The following PCSK2 variants were observed in gnomAD, a reference collection of about 807,000 sequenced individuals.
PCSK2 encodes proprotein convertase subtilisin/kexin type 2.
Under a neutral mutation model 69.7 loss-of-function variants are expected in PCSK2, and 14 were observed. That is an observed-to-expected ratio of 0.20 (90% CI 0.13 to 0.31). The LOEUF is 0.31. PCSK2 is among the 10% of genes least tolerant of loss of function. The pLI is 1.00. For synonymous variants in PCSK2, 307 were observed against 320.7 expected, an observed-to-expected ratio of 0.96 and a Z score of 0.46; for missense variants, 544 against 842.5, an observed-to-expected ratio of 0.65 and a Z score of 4.39.
In PCSK2 at chr20:17,454,891, C is replaced by T. The variant is rs1529384; in HGVS notation, c.1101+934C>T. On this transcript the variant is annotated intron_variant, in intron 9 of 11. Transcript: ENST00000262545. ...CAAGATGGCCATGCCCCTGCGTGAG[C>T]GAGGAGAAGCCCTTTACCTGGAAGG... Among the ~76,000 whole-genome samples the T allele has an allele frequency of 0.02, 2,975 of 152,248 alleles. 227 individuals carry two copies. The East Asian group carries it at 0.2, about 10-fold the overall frequency.
chr20:17,468,059 TAA>T (rs879355416), intron 11 of PCSK2, among the ~76,000 whole-genome samples: 65,418 of 151,122 alleles, frequency 0.43, 14,147 homozygotes, highest in South Asian at 0.6. Flanking sequence ...CTACCATAGG[TAA>T]GCATCCTCCC....
intron 6 of PCSK2, among the ~76,000 whole-genome samples, chr20:17,413,666 T>C (rs1190773001): frequency 6.6e-6 from 1 of 152,176 alleles, no homozygotes; most frequent in African/African-American, 2.4e-5. Context: ...TGAACTCAGC[T>C]CTGGACCAAG....
At chr20:17,407,350 T>G (rs2031775615) in intron 5 of PCSK2, among the ~76,000 whole-genome samples, 1 of 152,104 alleles carries the variant, frequency 6.6e-6, no homozygotes, top group Non-Finnish European at 1.5e-5. Flanking sequence ...GAATTTTAAT[T>G]TTTTCTAAAG....
chr20:17,243,431 C>T (rs551554746), intron 1 of PCSK2, among the ~76,000 whole-genome samples: 1 of 151,728 alleles, frequency 6.6e-6, no homozygotes, highest in East Asian at 1.9e-4. Flanking sequence ...AACTCCTGGG[C>T]TCAAATGATC....
intron 2 of PCSK2, among the ~76,000 whole-genome samples, chr20:17,282,542 T>C (rs951189320): frequency 2.6e-5 from 4 of 152,190 alleles, no homozygotes; most frequent in African/African-American, 9.6e-5. Flanking sequence ...ACGTCAATTA[T>C]AGATAAGTTC....
At chr20:17,457,092 A>C (rs1221031508) in intron 10 of PCSK2, among the ~76,000 whole-genome samples, 1 of 152,176 alleles carries the variant, frequency 6.6e-6, no homozygotes. Flanking sequence ...GTAGCAGTGG[A>C]GGTACCTGCC....
chr20:17,354,936 A>G lies in PCSK2; in HGVS notation c.283-3391A>G, dbSNP rs544762336. 2.7e-4 allele frequency among the ~76,000 whole-genome samples: 41 copies of G among 152,306 alleles called. No individual in the cohort carries two copies. The South Asian group carries it at 7.2e-3, about 27-fold the overall frequency. On this transcript the variant is annotated intron_variant, in intron 2 of 11. Transcript: ENST00000262545. Reference sequence around the variant, plus strand: ...GTTTTCCAGTTATTTGTGTGTAACAAGTGAAAGCATATATTGTTAAAGGTG... The same window carrying G: ...GTTTTCCAGTTATTTGTGTGTAACAGGTGAAAGCATATATTGTTAAAGGTG...
intron 11 of PCSK2, among the ~76,000 whole-genome samples, chr20:17,471,850 G>A (rs2033207848): frequency 6.6e-6 from 1 of 152,206 alleles, no homozygotes; most frequent in Non-Finnish European, 1.5e-5. Context: ...AGGAGCGGTG[G>A]GGTACAGGAA....
chr20:17,311,700 A>T (rs757284406), intron 2 of PCSK2, among the ~76,000 whole-genome samples: 1 of 152,162 alleles, frequency 6.6e-6, no homozygotes, highest in South Asian at 2.1e-4. Flanking sequence ...AGTACAGTAC[A>T]TTTTTAGGAA....
At chr20:17,240,008 C>G (rs1387118401) in intron 1 of PCSK2, among the ~76,000 whole-genome samples, 2 of 151,766 alleles carry the variant, frequency 1.3e-5, no homozygotes, top group Admixed American at 1.3e-4. Flanking sequence ...CGCACACCAC[C>G]ATACCCAGCT....
chr20:17,301,576 G>A (rs1568592117), intron 2 of PCSK2, among the ~76,000 whole-genome samples: 2 of 152,042 alleles, frequency 1.3e-5, no homozygotes, highest in African/African-American at 2.4e-5. Flanking sequence ...GGAGAAAATG[G>A]GATATCACCT....
chr20:17,404,033 A>ATGAGCAAAAGGCAGCCCCT (rs2031700920), intron 5 of PCSK2, among the ~76,000 whole-genome samples: 1 of 152,196 alleles, frequency 6.6e-6, no homozygotes, highest in South Asian at 2.1e-4. Context: ...GGGTGGACAA[A>ATGAGCAAAAGGCAGCCCCT]TGAGCAAAAG....
At chr20:17,401,591 A>G (rs911431433) in intron 5 of PCSK2, among the ~76,000 whole-genome samples, 2 of 152,244 alleles carry the variant, frequency 1.3e-5, no homozygotes, top group Admixed American at 1.3e-4. Flanking sequence ...ATATGGAAGC[A>G]GTTATCAAAA....
chr20:17,300,476 A>T (rs1340062810), intron 2 of PCSK2, among the ~76,000 whole-genome samples: 1 of 152,200 alleles, frequency 6.6e-6, no homozygotes, highest in East Asian at 1.9e-4. Flanking sequence ...TAGCTAACTT[A>T]AATTATGCAT....
chr20:17,313,844 C>A (rs1989592962), intron 2 of PCSK2, among the ~76,000 whole-genome samples: 1 of 152,192 alleles, frequency 6.6e-6, no homozygotes, highest in South Asian at 2.1e-4. Context: ...CAGCCCCAAA[C>A]CCATTTGAAG....
At chr20:17,477,008 A>T (rs963579232) in intron 11 of PCSK2, among the ~76,000 whole-genome samples, 3 of 152,202 alleles carry the variant, frequency 2.0e-5, no homozygotes, top group African/African-American at 7.2e-5. Context: ...GGGGTGGGAG[A>T]GGGGAATACA....
intron 2 of PCSK2, among the ~76,000 whole-genome samples, chr20:17,333,193 G>A (rs1990247750): frequency 6.6e-6 from 1 of 152,122 alleles, no homozygotes; most frequent in South Asian, 2.1e-4. Flanking sequence ...AGAAAAAAAT[G>A]ATTTTGCATA....
intron 6 of PCSK2, among the ~76,000 whole-genome samples, chr20:17,412,524 G>C (rs2031898864): frequency 6.6e-6 from 1 of 152,192 alleles, no homozygotes; most frequent in Admixed American, 6.5e-5. Flanking sequence ...AGAAATATGG[G>C]ACTATGTGAA....
intron 2 of PCSK2, among the ~76,000 whole-genome samples, chr20:17,270,318 C>T (rs537376196): frequency 2.6e-5 from 4 of 152,216 alleles, no homozygotes; most frequent in East Asian, 1.9e-4. Context: ...ACAGGTTTCA[C>T]GGTCTTAAAG....
Sources: allele counts gnomAD v4.1 joint callset (sites outside exome capture counted in the v4.1 genomes callset), GRCh38; gene constraint gnomAD v4.1.1; transcripts MANE v1.5; gene names NCBI Gene and HGNC (gene_info 2026-07-23, HGNC 2026-07-21).